CES3: variants seen among roughly 807,000 people sequenced by gnomAD.
CES3 encodes carboxylesterase 3, also known as carboxylesterase 3 (brain).
A neutral mutation model predicts 57.6 loss-of-function variants in CES3; 49 were observed. That is an observed-to-expected ratio of 0.85 (90% CI 0.68 to 1.08). The LOEUF is 1.08. CES3 is among the 50% of genes least tolerant of loss of function. The probability of loss-of-function intolerance (pLI) is 0.00; values close to 1 mark genes in which losing one functional copy is unlikely to be tolerated. For missense variants in CES3, 645 were observed against 742.0 expected (o/e 0.87, Z 1.52); for synonymous variants, 266 against 281.6 (o/e 0.94, Z 0.55).
chr16:66,964,013 T>C lies in CES3; in HGVS notation c.560+78T>C. ...CACCAGAGCAACTGGGGATCTAGGT[T>C]GGGGTCCGGAACCTGAAGGGAGGGC... On this transcript the variant is annotated intron_variant, in intron 4 of 12. Transcript: ENST00000303334. 1.9e-6 allele frequency: 3 copies of C among 1,576,026 alleles called. No homozygotes were observed. In the South Asian group the frequency reaches 3.4e-5, roughly 18 times the overall value.
In CES3 at chr16:66,963,283, A is replaced by G; in HGVS notation, c.187A>G (p.Ile63Val). 6.2e-7 allele frequency: 1 copy of G among 1,613,654 alleles called. No individual in the cohort carries two copies. Among genetic ancestry groups the G allele is most frequent in the Non-Finnish European group, 8.5e-7 (1 of 1,180,002 alleles). Residue 63 changes from isoleucine to valine, a missense_variant, in exon 2 of 13, where the codon ATT (isoleucine) becomes GTT (valine). By Grantham distance (29) the Ile-to-Val change is conservative. Transcript: ENST00000303334. This position sits in a 1 kb window ranked among gnomAD's most constrained non-coding sequence, Gnocchi z 4.9. ...TDRLVNVFLG[I>V]PFAQPPLGPD... is the part of the protein sequence containing the mutation. ...CCGCCTTGTGAATGTCTTTCTGGGC[A>G]TTCCATTTGCCCAGCCGCCACTGGG...
Position 66,966,333 on chromosome 16 carries a change from T to C in CES3, c.909T>C (p.Leu303=). 1 of 1,613,602 alleles carries C rather than the reference T, an allele frequency of 6.2e-7. No homozygotes were observed. The highest frequency in any genetic ancestry group is 8.5e-7 in the Non-Finnish European group (1 of 1,179,924). Residue 303 remains leucine (L), a synonymous_variant, in exon 7 of 13, where the codon CTT becomes CTC. Coordinates refer to ENST00000303334, the MANE Select transcript of CES3 (RefSeq NM_024922.6). ...LQQKEGEELV[L]SKKLKNTIYP... ...AGAAAGAAGGAGAAGAGCTGGTCCT[T>C]AGCAAGAAGCTGGTATGGCCACCCT...
intron 6 of CES3, among the ~76,000 whole-genome samples, chr16:66,965,583 C>T (rs1356566980): frequency 6.6e-6 from 1 of 152,172 alleles, no homozygotes; most frequent in Non-Finnish European, 1.5e-5. Flanking sequence ...GTATGGACAA[C>T]AGCATCCTCC....
Position 66,963,371 on chromosome 16 carries a change from C to T in CES3, c.275C>T (p.Thr92Ile), listed in dbSNP as rs769521390. 1 of 1,612,970 alleles carries T rather than the reference C, an allele frequency of 6.2e-7. No homozygotes were observed. The highest frequency in any genetic ancestry group is 1.1e-5 in the South Asian group (1 of 91,080). Residue 92 changes from threonine to isoleucine, a missense_variant, in exon 2 of 13, where the codon ACT (threonine) becomes ATT (isoleucine). By Grantham distance (89) the Thr-to-Ile change is moderately conservative (BLOSUM62 -1). Transcript: ENST00000303334. The surrounding 1 kb of genome is among the most constrained non-coding windows in gnomAD (Gnocchi z 4.9). ...QPWEGVRDAS[T>I]APPMCLQDVE... Reference sequence around the variant, plus strand: ...TGGGAGGGTGTGCGGGATGCCAGCACTGCGCCCCCAATGTGAGTAGTGCTG... The same window carrying T: ...TGGGAGGGTGTGCGGGATGCCAGCATTGCGCCCCCAATGTGAGTAGTGCTG...
chr16:66,972,030 G>C (rs1001209362), intron 10 of CES3, among the ~76,000 whole-genome samples: 1 of 152,112 alleles, frequency 6.6e-6, no homozygotes, highest in African/African-American at 2.4e-5. Flanking sequence ...CCAGATACTT[G>C]GGAAGCTGAA....
At position 66,969,667 on chromosome 16, in the gene CES3, G is replaced by T; in HGVS notation, c.1063-12G>T. 6.2e-7 allele frequency: 1 copy of T among 1,611,888 alleles called. No homozygotes were observed. The highest frequency in any genetic ancestry group is 8.5e-7 in the Non-Finnish European group (1 of 1,179,092). On this transcript the variant is annotated splice_polypyrimidine_tract_variant and intron_variant, in intron 8 of 12. Transcript: ENST00000303334. ...GTCAGGCTCCACTGAGAGGGCCTTG[G>T]TGTCCACACAGGGCTGGGGTCTCCT...
In CES3 at chr16:66,961,347, G is replaced by A. The variant is rs373569998; in HGVS notation, c.40G>A (p.Gly14Arg). The A allele has an allele frequency of 1.1e-5, 18 of 1,613,616 alleles. No homozygotes were observed. In the Admixed American group the frequency reaches 1.5e-4, roughly 13 times the overall value. Residue 14 changes from glycine to arginine, a missense_variant, in exon 1 of 13, where the codon GGG (glycine) becomes AGG (arginine). By Grantham distance (125) the Gly-to-Arg change is moderately radical (BLOSUM62 -2). Transcript: ENST00000303334. ...AVRVESGVLV[G>R]VVCLLLACPA... The stretch of plus-strand genomic sequence containing the variant: ...GAGAGTGGAGTCCGGGGTCCTGGTC[G>A]GGGTGGTCTGTCTGCTCCTGGCATG...
chr16:66,971,219 A>G lies in CES3; in HGVS notation c.1191A>G (p.Gly397=), dbSNP rs1963826073. The G allele has an allele frequency of 6.2e-7, 1 of 1,613,958 alleles. No homozygotes were observed. Residue 397 remains glycine, a synonymous_variant, in exon 10 of 13, where the codon GGA becomes GGG. Coordinates refer to ENST00000303334, the MANE Select transcript of CES3 (RefSeq NM_024922.6). ...CCACCGTCATAGATGAATACCTAGGAAGCAACTCGGACGCACAAGCCAAAT... is the reference window on the plus strand; with the variant it reads ...CCACCGTCATAGATGAATACCTAGGGAGCAACTCGGACGCACAAGCCAAAT... ...MMPTVIDEYL[G]SNSDAQAKCQ...
chr16:66,968,878 T>C (rs946501097), intron 8 of CES3, among the ~76,000 whole-genome samples: 9 of 151,782 alleles, frequency 5.9e-5, no homozygotes, highest in Non-Finnish European at 8.8e-5. Context: ...TGTCCCACTA[T>C]ACTCCAGCCT....
At chr16:66,969,300 G>C (rs775088137) in intron 8 of CES3, among the ~76,000 whole-genome samples, 11 of 152,174 alleles carry the variant, frequency 7.2e-5, no homozygotes, top group Non-Finnish European at 1.5e-4. Flanking sequence ...CAGCTACTCG[G>C]GAGGCTGAGG....
Position 66,964,519 on chromosome 16 carries a change from C to T in CES3, c.714+9C>T. 1 of 1,613,686 alleles carries T rather than the reference C, an allele frequency of 6.2e-7. No individual in the cohort carries two copies. Among genetic ancestry groups the T allele is most frequent in the Non-Finnish European group, 8.5e-7 (1 of 1,179,736 alleles). ...GCATCATCTCTGGCCTGGTAAGTCA[C>T]TATAGGGGGCTAGTGATGGTGGCCA... is the stretch of plus-strand genomic sequence containing the variant. On this transcript the variant is annotated intron_variant, in intron 5 of 12. Coordinates refer to ENST00000303334, the MANE Select transcript of CES3 (RefSeq NM_024922.6).
chr16:66,967,725 A>C (rs1963757312), intron 8 of CES3: 1 of 984,162 alleles, frequency 1.0e-6, no homozygotes, highest in African/African-American at 1.8e-5. Flanking sequence ...GCACACCCTA[A>C]GACAAAGCAA....
Position 66,972,832 on chromosome 16 carries a change from C to T in CES3, c.1521-22C>T, listed in dbSNP as rs759181496. 1.9e-6 allele frequency: 3 copies of T among 1,613,726 alleles called. No homozygotes were observed. The African/African-American group carries it at 4.0e-5, about 22-fold the overall frequency. ...GGGGACAGCACAGGAAGCCTTGGTC[C>T]TCATTCATTCCTCCCACCCAGGGAC... On this transcript the variant is annotated intron_variant, in intron 12 of 12. Transcript: ENST00000303334.
Position 66,964,359 on chromosome 16 carries a change from C to G in CES3, c.563C>G (p.Thr188Ser), listed in dbSNP as rs745668147. 6.8e-6 allele frequency: 11 copies of G among 1,613,590 alleles called. No homozygotes were observed. The Admixed American group carries it at 1.7e-4, about 24-fold the overall frequency. Reference protein sequence around the residue: ...YRLGVLGFFSTGDEHAPGNQG... With the variant: ...YRLGVLGFFSSGDEHAPGNQG... ...CGTTGCCCCAACACTGCCCCCAGCA[C>G]TGGAGATGAGCATGCACCTGGCAAC... Residue 188 changes from threonine (T) to serine (S), a missense_variant and splice_region_variant, in exon 5 of 13, where the codon ACT (threonine) becomes AGT (serine). Coordinates refer to ENST00000303334, the MANE Select transcript of CES3 (RefSeq NM_024922.6).
chr16:66,969,852 C>T (rs752161948), intron 9 of CES3, 93 bp downstream of exon 9: 102 of 1,132,670 alleles, frequency 9.0e-5, no homozygotes, highest in Middle Eastern at 7.8e-4. Context: ...CCCTACCTTC[C>T]GACACCCACA....
At chr16:66,968,298 G>A (rs550258939) in intron 8 of CES3, among the ~76,000 whole-genome samples, 2 of 152,218 alleles carry the variant, frequency 1.3e-5, no homozygotes, top group African/African-American at 4.8e-5. Context: ...CTGAGTAGCT[G>A]GGATTACAGG....
In CES3 at chr16:66,966,279, C is replaced by A. The variant is rs139755080; in HGVS notation, c.855C>A (p.Ser285=). The part of the protein sequence containing the change: ...IANTLACSSS[S]PAEMVQCLQQ... Reference sequence around the variant, plus strand: ...ACACCTTGGCCTGCAGCTCCAGCTCCCCGGCTGAGATGGTGCAGTGCCTTC... The same window carrying A: ...ACACCTTGGCCTGCAGCTCCAGCTCACCGGCTGAGATGGTGCAGTGCCTTC... Residue 285 remains serine (S), a synonymous_variant, in exon 7 of 13, where the codon TCC becomes TCA. Transcript: ENST00000303334. 1.2e-4 allele frequency: 201 copies of A among 1,613,514 alleles called. No homozygotes were observed. In the African/African-American group the frequency reaches 2.5e-3, roughly 20 times the overall value.
At chr16:66,961,595 C>T (rs565822432) in intron 1 of CES3, among the ~76,000 whole-genome samples, 109 of 152,256 alleles carry the variant, frequency 7.2e-4, no homozygotes, top group African/African-American at 2.5e-3. Flanking sequence ...CAGAGTTTTG[C>T]TCTTGTTACC....
chr16:66,963,585 A>C lies in CES3; in HGVS notation c.382A>C (p.Asn128His), dbSNP rs185905976. 2.0e-5 allele frequency: 33 copies of C among 1,614,228 alleles called. No individual in the cohort carries two copies. The East Asian group carries it at 5.8e-4, about 28-fold the overall frequency. Residue 128 changes from asparagine to histidine, a missense_variant, in exon 3 of 13, where the codon AAC becomes CAC. By Grantham distance (68) the Asn-to-His change is moderately conservative. Coordinates refer to ENST00000303334, the MANE Select transcript of CES3 (RefSeq NM_024922.6). The surrounding 1 kb of genome is among the most constrained non-coding windows in gnomAD (Gnocchi z 4.9). ...CGTTTCAGAGGACTGCCTGGTCCTC[A>C]ACGTCTATAGCCCAGCTGAGGTCCC... The part of the protein sequence containing the change: ...FSVSEDCLVL[N>H]VYSPAEVPAG...
Sources: gnomAD v4.1 joint callset for allele counts (sites outside exome capture counted in the v4.1 genomes callset) on GRCh38, gnomAD v4.1.1 for gene constraint, Gnocchi (gnomAD v3.1) non-coding constraint, MANE v1.5 for transcripts, NCBI Gene and HGNC (gene_info 2026-07-23, HGNC 2026-07-21) for gene names.